The following PPM1H variants were observed in gnomAD, a reference collection of about 807,000 sequenced individuals.
The protein encoded by PPM1H is protein phosphatase, Mg2+/Mn2+ dependent 1H.
In PPM1H, 27 loss-of-function variants were observed where a neutral mutation model predicts 54.9. The ratio of observed to expected loss-of-function variants is 0.49; its 90% confidence interval spans 0.36 to 0.68. The LOEUF (loss-of-function observed/expected upper bound fraction) is 0.68, where lower values mean the gene tolerates loss of function less well. Ranked by LOEUF, PPM1H falls within the 30% of genes least tolerant of loss-of-function variation. PPM1H has a pLI of 0.00. For missense variants in PPM1H, 596 were observed against 667.8 expected, an observed-to-expected ratio of 0.89 and a Z score of 1.19; for synonymous variants, 305 against 270.8, an observed-to-expected ratio of 1.13 and a Z score of -1.24.
chr12:62,817,036 T>A lies in PPM1H; in HGVS notation c.412-14876A>T, dbSNP rs557585893. 2.4e-3 allele frequency among the ~76,000 whole-genome samples: 346 copies of A among 144,914 alleles called. 1 individual carries two copies. The highest frequency in any genetic ancestry group is 8.3e-3 in the African/African-American group (324 of 39,216). ...CATCAGCCTCCTCAATTCCTGGTTT[T>A]AAAATCATCCATCTTAATCACTGGC... On this transcript the variant is annotated intron_variant, in intron 2 of 9. Coordinates refer to ENST00000228705, the MANE Select transcript of PPM1H (RefSeq NM_020700.2).
At chr12:62,703,378 T>C (rs559121107) in intron 6 of PPM1H, among the ~76,000 whole-genome samples, 1,595 of 109,446 alleles carry the variant, frequency 0.015, 28 homozygotes, top group African/African-American at 0.051. Flanking sequence ...AAAGGAGCCC[T>C]TTTTTTTTTT....
At chr12:62,917,398 G>T (rs1871657972) in intron 1 of PPM1H, among the ~76,000 whole-genome samples, 1 of 152,090 alleles carries the variant, frequency 6.6e-6, no homozygotes, top group African/African-American at 2.4e-5. Context: ...TTCCTGGAAG[G>T]GTCAGTAAGA....
intron 4 of PPM1H, among the ~76,000 whole-genome samples, chr12:62,780,067 A>G (rs2076632474): frequency 6.6e-6 from 1 of 152,198 alleles, no homozygotes. Context: ...GAGGTTATTT[A>G]TGTAAAATTC....
chr12:62,771,790 T>C (rs1185609571), intron 4 of PPM1H, among the ~76,000 whole-genome samples: 2 of 152,190 alleles, frequency 1.3e-5, no homozygotes, highest in East Asian at 3.8e-4. Flanking sequence ...TGAATTATGT[T>C]TTACTTATTT....
At chr12:62,892,948 C>T (rs1210684861) in intron 1 of PPM1H, among the ~76,000 whole-genome samples, 1 of 152,168 alleles carries the variant, frequency 6.6e-6, no homozygotes, top group Non-Finnish European at 1.5e-5. Context: ...CCTGGTCCCT[C>T]ACTTGTGACT....
rs756649556 is a variant in PPM1H, at chr12:62,644,532, C to CTAT, written c.*3954_*3956dup. On this transcript the variant is annotated 3_prime_UTR_variant, in exon 10 of 10. Transcript: ENST00000228705. ...CTAAGACACAGAAGAAAAATTAAAGCTATTTACACAGATAACACTGTGGAT... is the reference window on the plus strand; with the variant it reads ...CTAAGACACAGAAGAAAAATTAAAGCTATTATTTACACAGATAACACTGTGGAT... 10 of 152,332 alleles carry CTAT rather than the reference C, an allele frequency of 6.6e-5. No individual in the cohort carries two copies. The South Asian group carries it at 2.1e-3, about 32-fold the overall frequency. 9.4% of individuals were successfully genotyped at this position (152,332 alleles called of 1,614,324 possible). A position where few individuals can be genotyped will look rare whatever the true frequency, so the allele number is the denominator to read the frequency against.
intron 8 of PPM1H, among the ~76,000 whole-genome samples, chr12:62,675,249 T>C (rs1752736590): frequency 6.6e-6 from 1 of 152,182 alleles, no homozygotes; most frequent in South Asian, 2.1e-4. Context: ...CTAAACCAGC[T>C]AAAATATGAG....
chr12:62,678,694 T>C (rs568245201), intron 8 of PPM1H, among the ~76,000 whole-genome samples: 4 of 151,996 alleles, frequency 2.6e-5, no homozygotes, highest in African/African-American at 9.7e-5. Flanking sequence ...CTGCATACTT[T>C]TTTTTTTTCT....
chr12:62,663,216 C>A (rs1054751971), intron 9 of PPM1H, among the ~76,000 whole-genome samples: 6 of 151,926 alleles, frequency 3.9e-5, no homozygotes, highest in Admixed American at 2.0e-4. Flanking sequence ...CTAGGAGAGT[C>A]GGTTCTTGAA....
At position 62,667,318 on chromosome 12, in the gene PPM1H, G is replaced by A. The variant is rs750540347; in HGVS notation, c.1257C>T (p.Tyr419=). 13 of 1,593,652 alleles carry A rather than the reference G, an allele frequency of 8.2e-6. No individual in the cohort carries two copies. The highest frequency in any genetic ancestry group is 1.1e-5 in the South Asian group (1 of 87,462). ...ATCCATGATCATATTTTGAAAGATC[G>A]TAGATTCTTACCTGAAAAAAAACAA... is the stretch of plus-strand genomic sequence containing the variant. ...FLSSAPEVRI[Y]DLSKYDHGSD... Residue 419 remains tyrosine, a synonymous_variant, in exon 9 of 10, where the codon TAC becomes TAT. Coordinates refer to ENST00000228705, the MANE Select transcript of PPM1H (RefSeq NM_020700.2).
chr12:62,766,522 T>A (rs1382649598), intron 4 of PPM1H, among the ~76,000 whole-genome samples: 2 of 151,786 alleles, frequency 1.3e-5, no homozygotes, highest in Non-Finnish European at 2.9e-5. Flanking sequence ...AGGATCAGTT[T>A]ACACAACTCA....
At chr12:62,716,377 G>C (rs1285905245) in intron 6 of PPM1H, among the ~76,000 whole-genome samples, 1 of 152,186 alleles carries the variant, frequency 6.6e-6, no homozygotes, top group East Asian at 1.9e-4. Context: ...TTAGGTATGA[G>C]GAATTAGGTA....
intron 9 of PPM1H, among the ~76,000 whole-genome samples, chr12:62,663,343 A>T (rs1485579763): frequency 6.6e-6 from 1 of 151,858 alleles, no homozygotes; most frequent in South Asian, 2.1e-4. Context: ...TTAAAAAAAA[A>T]AATTTATAAA....
chr12:62,896,714 T>A (rs1871001487), intron 1 of PPM1H, among the ~76,000 whole-genome samples: 1 of 152,138 alleles, frequency 6.6e-6, no homozygotes, highest in Admixed American at 6.5e-5. Flanking sequence ...GATCTAGAAC[T>A]AGAAATACCA....
intron 9 of PPM1H, among the ~76,000 whole-genome samples, chr12:62,651,532 C>T (rs753332109): frequency 7.2e-5 from 11 of 152,140 alleles, no homozygotes; most frequent in Non-Finnish European, 1.5e-4. Context: ...GATTAGGTCA[C>T]CTAGAAAAGA....
intron 1 of PPM1H, among the ~76,000 whole-genome samples, chr12:62,895,265 C>A (rs1333311163): frequency 6.6e-6 from 1 of 152,158 alleles, no homozygotes; most frequent in Non-Finnish European, 1.5e-5. Flanking sequence ...AGCCAATAGT[C>A]TCAGAAAGAA....
chr12:62,922,660 A>G (rs1871837825), intron 1 of PPM1H, among the ~76,000 whole-genome samples: 1 of 152,242 alleles, frequency 6.6e-6, no homozygotes, highest in Non-Finnish European at 1.5e-5. Context: ...CAGAAATAGT[A>G]TAACAAAGGA....
intron 1 of PPM1H, among the ~76,000 whole-genome samples, chr12:62,862,017 C>T (rs772870807): frequency 3.3e-5 from 5 of 152,180 alleles, no homozygotes; most frequent in African/African-American, 1.2e-4. Flanking sequence ...AATGCTTATG[C>T]GCAAATCTGG....
intron 2 of PPM1H, among the ~76,000 whole-genome samples, chr12:62,805,645 AGTCAAACTCGTAGAAGCAGAGAGTC>A (rs1298148994): frequency 6.6e-6 from 1 of 152,228 alleles, no homozygotes; most frequent in Non-Finnish European, 1.5e-5. Context: ...TCTAAAAAAG[AGTCAAACTCGTAGAAGCAGAGAGTC>A]GAATGGTGGT....
Sources: gnomAD v4.1 joint callset for allele counts (sites outside exome capture counted in the v4.1 genomes callset) on GRCh38, gnomAD v4.1.1 for gene constraint, MANE v1.5 for transcripts, NCBI Gene and HGNC (gene_info 2026-07-23, HGNC 2026-07-21) for gene names.